The following SCFD2 variants were observed in gnomAD, a reference collection of about 807,000 sequenced individuals.
SCFD2 encodes sec1 family domain containing 2, also known as sec1 family domain-containing protein 2.
SCFD2 carries 54 observed loss-of-function variants against 58.9 expected under a neutral mutation model. That is an observed-to-expected ratio of 0.92 (90% CI 0.74 to 1.15). SCFD2 has a LOEUF of 1.15. Ranked by LOEUF, SCFD2 falls within the 50% of genes most tolerant of loss-of-function variation. The pLI is 0.00. For missense variants in SCFD2, 805 were observed against 836.6 expected, an observed-to-expected ratio of 0.96 and a Z score of 0.47; for synonymous variants, 321 against 335.9, an observed-to-expected ratio of 0.96 and a Z score of 0.49.
At chr4:53,259,174 A>G (rs761363209) in intron 4 of SCFD2, among the ~76,000 whole-genome samples, 2 of 152,174 alleles carry the variant, frequency 1.3e-5, no homozygotes, top group South Asian at 2.1e-4. Flanking sequence ...TGGGTTGTCT[A>G]TTAACCCTGC....
Position 53,365,494 on chromosome 4 carries a change from T to A in SCFD2, c.448A>T (p.Thr150Ser). 6.2e-7 allele frequency: 1 copy of A among 1,614,202 alleles called. No individual in the cohort carries two copies. The highest frequency in any genetic ancestry group is 8.5e-7 in the Non-Finnish European group (1 of 1,180,036). ...AACGGGACATGGAACACCTCGGCCG[T>A]GTAGTTCATGTTGCCCATCCATTCA... ...LCEWMGNMNY[T>S]AEVFHVPLLL... The change falls in exon 1 of 9, where the codon ACG (threonine) becomes TCG (serine). Residue 150 changes from threonine (T) to serine (S), a missense_variant. Around this residue, in one of 3 missense-constraint regions of SCFD2, gnomAD observed 633 missense variants for 646.8 expected, o/e 0.98. Coordinates refer to ENST00000401642, the MANE Select transcript of SCFD2 (RefSeq NM_152540.4). The surrounding 1 kb of genome is among the most constrained non-coding windows in gnomAD (Gnocchi z 4.3).
chr4:53,171,602 T>G (rs896116245), intron 4 of SCFD2, among the ~76,000 whole-genome samples: 1 of 152,222 alleles, frequency 6.6e-6, no homozygotes, highest in African/African-American at 2.4e-5. Context: ...AAATGTTTGG[T>G]AGAATTCAGC....
chr4:53,325,861 T>C (rs570332126), intron 2 of SCFD2, among the ~76,000 whole-genome samples: 2 of 152,166 alleles, frequency 1.3e-5, no homozygotes, highest in African/African-American at 4.8e-5. Context: ...TTTTTTAGGA[T>C]ACTAAAGGGA....
At chr4:53,339,684 G>A (rs950206159) in intron 2 of SCFD2, among the ~76,000 whole-genome samples, 2 of 151,958 alleles carry the variant, frequency 1.3e-5, no homozygotes, top group African/African-American at 4.8e-5. Flanking sequence ...GCAGGAGAAT[G>A]GCTCAAACCT....
intron 5 of SCFD2, among the ~76,000 whole-genome samples, chr4:53,136,457 C>G (rs1467295295): frequency 6.6e-6 from 1 of 152,118 alleles, no homozygotes; most frequent in Non-Finnish European, 1.5e-5. Context: ...CAGACATCCA[C>G]AAAACTCCCA....
intron 5 of SCFD2, among the ~76,000 whole-genome samples, chr4:52,945,938 T>A (rs1205511427): frequency 6.6e-6 from 1 of 152,230 alleles, no homozygotes; most frequent in African/African-American, 2.4e-5. Flanking sequence ...TATATTCTTT[T>A]CTTTTCCCTA....
At chr4:53,209,881 C>T (rs940615816) in intron 4 of SCFD2, among the ~76,000 whole-genome samples, 4 of 151,828 alleles carry the variant, frequency 2.6e-5, no homozygotes, top group African/African-American at 7.3e-5. Context: ...AAAGAAAAGG[C>T]CTAGCACTAC....
chr4:53,040,877 A>T (rs1477030916), intron 5 of SCFD2, among the ~76,000 whole-genome samples: 2 of 152,204 alleles, frequency 1.3e-5, no homozygotes, highest in African/African-American at 2.4e-5. Context: ...AAAGATTTTA[A>T]ACCTGTTGAT....
At chr4:52,897,064 G>A (rs1379941235) in intron 7 of SCFD2, among the ~76,000 whole-genome samples, 4 of 152,140 alleles carry the variant, frequency 2.6e-5, no homozygotes, top group Non-Finnish European at 5.9e-5. Context: ...GGGCTGAGAC[G>A]ATGGGGTTTT....
At chr4:53,180,321 C>G (rs2148947137) in intron 4 of SCFD2, among the ~76,000 whole-genome samples, 1 of 152,298 alleles carries the variant, frequency 6.6e-6, no homozygotes, top group African/African-American at 2.4e-5. Context: ...ACAGTGCAAT[C>G]AAACTAGAAC....
chr4:53,305,654 AT>A (rs1248040460), intron 3 of SCFD2, among the ~76,000 whole-genome samples: 2 of 152,200 alleles, frequency 1.3e-5, no homozygotes, highest in African/African-American at 4.8e-5. Context: ...TATTATCTCA[AT>A]ATGAATTAAT....
intron 5 of SCFD2, among the ~76,000 whole-genome samples, chr4:52,969,928 T>C (rs1159950473): frequency 6.6e-6 from 1 of 152,118 alleles, no homozygotes; most frequent in Non-Finnish European, 1.5e-5. Flanking sequence ...TCACTGTTAG[T>C]TTTTTGAAAA....
At chr4:53,086,917 G>A (rs536642017) in intron 5 of SCFD2, among the ~76,000 whole-genome samples, 1 of 152,124 alleles carries the variant, frequency 6.6e-6, no homozygotes, top group East Asian at 1.9e-4. Context: ...TAGTGGAGAT[G>A]GTTAATATGT....
At chr4:53,331,231 C>T (rs1215114344) in intron 2 of SCFD2, among the ~76,000 whole-genome samples, 1 of 151,298 alleles carries the variant, frequency 6.6e-6, no homozygotes, top group African/African-American at 2.4e-5. Context: ...GAACTCAGCT[C>T]TGCACCAAGC....
intron 2 of SCFD2, among the ~76,000 whole-genome samples, chr4:53,321,716 T>C (rs1733032320): frequency 1.3e-5 from 2 of 152,182 alleles, no homozygotes; most frequent in African/African-American, 2.4e-5. Context: ...GAGGCTTCAA[T>C]AGTCATCTTT....
intron 5 of SCFD2, among the ~76,000 whole-genome samples, chr4:53,083,464 C>T (rs1280230419): frequency 6.6e-6 from 1 of 152,108 alleles, no homozygotes; most frequent in Non-Finnish European, 1.5e-5. Flanking sequence ...GTCACTATTA[C>T]CCTGATACCA....
intron 5 of SCFD2, among the ~76,000 whole-genome samples, chr4:53,025,606 G>A (rs1448908331): frequency 1.3e-5 from 2 of 152,108 alleles, no homozygotes; most frequent in African/African-American, 4.8e-5. Context: ...ATGTTCTGTT[G>A]TGATCTACCG....
chr4:53,275,471 A>G (rs1455796067), intron 3 of SCFD2, among the ~76,000 whole-genome samples: 1 of 152,210 alleles, frequency 6.6e-6, no homozygotes, highest in Non-Finnish European at 1.5e-5. Flanking sequence ...TCAAGTACTC[A>G]TAGAAAAAAA....
intron 2 of SCFD2, among the ~76,000 whole-genome samples, chr4:53,334,785 A>G (rs1230924357): frequency 3.3e-5 from 5 of 152,232 alleles, no homozygotes; most frequent in Non-Finnish European, 5.9e-5. Context: ...AAAGCAGTGG[A>G]TTAAAATTTG....
Sources: allele counts gnomAD v4.1 joint callset (sites outside exome capture counted in the v4.1 genomes callset), GRCh38; gene constraint gnomAD v4.1.1; regional missense constraint gnomAD v4.1.1; non-coding constraint Gnocchi (gnomAD v3.1); transcripts MANE v1.5; gene names NCBI Gene and HGNC (gene_info 2026-07-23, HGNC 2026-07-21).